The following PARP10 variants were observed in gnomAD, a reference collection of about 807,000 sequenced individuals.
PARP10 encodes the protein protein mono-ADP-ribosyltransferase PARP10.
Under a neutral mutation model 82.4 loss-of-function variants are expected in PARP10, and 56 were observed. The observed-to-expected ratio is 0.68, with a 90% confidence interval of 0.55 to 0.85. The LOEUF (loss-of-function observed/expected upper bound fraction) is 0.85, where lower values mean the gene tolerates loss of function less well. Among genes scored for constraint, PARP10 ranks in the 40% least tolerant of loss-of-function variants. The pLI, the probability that PARP10 is intolerant of heterozygous loss-of-function variation, is 0.00. For synonymous variants in PARP10, 576 were observed against 601.1 expected, an observed-to-expected ratio of 0.96 and a Z score of 0.61; for missense variants, 1,227 against 1,379.4, an observed-to-expected ratio of 0.89 and a Z score of 1.75.
upstream of PARP10, chr8:143,991,374 C>G: frequency 8.3e-7 from 1 of 1,211,232 alleles, no homozygotes; most frequent in Non-Finnish European, 1.2e-6. Context: ...CCAGCCCTCC[C>G]CCTACGGTCA....
intron 1 of PARP10, among the ~76,000 whole-genome samples, chr8:144,007,087 C>T (rs782284330): frequency 6.6e-6 from 1 of 152,230 alleles, no homozygotes; most frequent in Non-Finnish European, 1.5e-5. Context: ...AAGAAACCAA[C>T]AACACAGAGA....
At chr8:143,980,866 C>A (rs4977166) in intron 9 of PARP10, among the ~76,000 whole-genome samples, 9,180 of 152,110 alleles carry the variant, frequency 0.06, 399 homozygotes, top group South Asian at 0.17. Flanking sequence ...GTATGTCTAC[C>A]AACCTATGGC....
In PARP10 at chr8:143,983,400, A is replaced by G. The variant is rs1163092457; in HGVS notation, c.2189T>C (p.Leu730Ser). 1.9e-6 allele frequency: 3 copies of G among 1,605,178 alleles called. No homozygotes were observed. The highest frequency in any genetic ancestry group is 2.5e-6 in the Non-Finnish European group (3 of 1,179,412). ...CGTCTCCTCCTGGACGTGGACCTCC[A>G]AGGCAGCCCTGAGCGCCCGGTCCAG... ...EELDRALRAA[L>S]EVHVQEETVG... The change falls in exon 8 of 11, where the codon TTG becomes TCG. Residue 730 changes from leucine to serine, a missense_variant. Transcript: ENST00000313028.
rs747412999 is a variant in PARP10 at position 143,984,843 on chromosome 8, G to A, written c.1159C>T (p.Pro387Ser). The change falls in exon 5 of 11, where the codon CCA becomes TCA. Residue 387 changes from proline to serine, a missense_variant. Pro to Ser is a moderately conservative substitution (Grantham distance 74). Transcript: ENST00000313028. ...AGCAACCCCTTAGAGGTCTCCACTG[G>A]GCCTGCAGACCCCACAGGCCCCAGG... is the stretch of plus-strand genomic sequence containing the variant. Reference protein sequence around the residue: ...MSLGPVGSAGPVETSKGLLGQ... With the variant: ...MSLGPVGSAGSVETSKGLLGQ... 19 of 1,612,312 alleles carry A rather than the reference G, an allele frequency of 1.2e-5. No homozygotes were observed. The highest frequency in any genetic ancestry group is 1.5e-5 in the Non-Finnish European group (18 of 1,178,992).
Position 143,977,779 on chromosome 8 carries a change from AC to A in PARP10, c.2782del (p.Val928CysfsTer22). On this transcript the variant is annotated frameshift_variant, in exon 11 of 11. Coordinates refer to ENST00000313028, the MANE Select transcript of PARP10 (RefSeq NM_032789.5). LOFTEE classifies it low-confidence loss of function (END_TRUNC). The part of the protein sequence containing the change: ...VYFARRASLS[V>X]QDRYSPPNAD... ...GTTGGGGGGCGAGTAGCGGTCCTGC[AC>A]CGACAGGGAGGCGCGCCTGGCGAAA... 1 of 1,603,864 alleles carries A rather than the reference AC, an allele frequency of 6.2e-7. No individual in the cohort carries two copies. The highest frequency in any genetic ancestry group is 1.1e-5 in the South Asian group (1 of 89,918).
intron 1 of PARP10, among the ~76,000 whole-genome samples, chr8:143,997,389 A>C (rs1554751374): frequency 6.6e-6 from 1 of 152,014 alleles, no homozygotes; most frequent in African/African-American, 2.4e-5. Context: ...ACTGGTATCC[A>C]CAGCTTCGTG....
At chr8:144,001,873 C>CGTGTGTGTGTGTGTGTGTGTGTGTGT (rs57117824) in intron 1 of PARP10, among the ~76,000 whole-genome samples, 1 of 136,416 alleles carries the variant, frequency 7.3e-6, no homozygotes, top group African/African-American at 2.7e-5. Context: ...AATATATATA[C>CGTGTGTGTGTGTGTGTGTGTGTGTGT]GTGTGTGTGT....
upstream of PARP10, chr8:143,991,289 G>A (rs1554750388): frequency 6.8e-7 from 1 of 1,462,998 alleles, no homozygotes; most frequent in Non-Finnish European, 9.3e-7. Context: ...CTGGATATCC[G>A]GGGGGGCCCC....
chr8:143,991,993 C>T, upstream of PARP10: 1 of 1,613,830 alleles, frequency 6.2e-7, no homozygotes, highest in Non-Finnish European at 8.5e-7. Flanking sequence ...TACTATGTCT[C>T]CTATGCTGTC....
upstream of PARP10, chr8:143,992,024 C>T (rs1366153105): frequency 1.9e-6 from 3 of 1,614,000 alleles, no homozygotes; most frequent in Non-Finnish European, 1.7e-6. Flanking sequence ...CTCTCATCGT[C>T]CTCAGCTGTT....
At chr8:143,996,437 C>G (rs1395368802) in intron 1 of PARP10, among the ~76,000 whole-genome samples, 4 of 152,212 alleles carry the variant, frequency 2.6e-5, no homozygotes, top group Non-Finnish European at 1.5e-5. Flanking sequence ...GGGGCCAGCT[C>G]TGGACCCCAG....
At chr8:143,988,110 C>T (rs1834024626), upstream of PARP10, among the ~76,000 whole-genome samples, 2 of 148,614 alleles carry the variant, frequency 1.3e-5, no homozygotes, top group Non-Finnish European at 3.0e-5. Flanking sequence ...CCCACAAACC[C>T]CCATGGCCAC....
chr8:143,991,157 C>G (rs1355082893), upstream of PARP10: 2 of 1,149,678 alleles, frequency 1.7e-6, no homozygotes, highest in Admixed American at 2.6e-5. Context: ...CCGACGCTGT[C>G]GTCAAGCCAA....
At chr8:144,001,712 G>A (rs1554751718) in intron 1 of PARP10, among the ~76,000 whole-genome samples, 1 of 151,766 alleles carries the variant, frequency 6.6e-6, no homozygotes, top group Non-Finnish European at 1.5e-5. Context: ...ATCTCAAAAA[G>A]AGAAGAGAAG....
upstream of PARP10, chr8:143,991,426 G>A (rs1349486969): frequency 7.0e-7 from 1 of 1,422,458 alleles, no homozygotes; most frequent in Admixed American, 2.8e-5. Flanking sequence ...CCCCAAGGGG[G>A]CTACCCACAG....
In PARP10 at chr8:143,977,849, C is replaced by T. The variant is rs1833736391; in HGVS notation, c.2732-19G>A. ...ACCGTGGCTGCAGGGCGAGACGGGG[C>T]AAGGTCAGGGTGGTCGGGGTGCGCA... On this transcript the variant is annotated intron_variant, in intron 10 of 10. Coordinates refer to ENST00000313028, the MANE Select transcript of PARP10 (RefSeq NM_032789.5). 2 of 1,597,470 alleles carry T rather than the reference C, an allele frequency of 1.3e-6. No homozygotes were observed. The highest frequency in any genetic ancestry group is 2.7e-5 in the African/African-American group (2 of 74,572).
At chr8:143,994,160 G>A (rs1834143725), upstream of PARP10, among the ~76,000 whole-genome samples, 1 of 152,214 alleles carries the variant, frequency 6.6e-6, no homozygotes, top group Admixed American at 6.5e-5. Flanking sequence ...GTGGCCTGAG[G>A]ATCTCTCAAG....
Position 143,977,312 on chromosome 8 carries a change from C to A in PARP10, c.*172G>T. 1.4e-6 allele frequency: 1 copy of A among 716,464 alleles called. No individual in the cohort carries two copies. The highest frequency in any genetic ancestry group is 2.2e-6 in the Non-Finnish European group (1 of 447,142). The allele number at this position is 716,464 out of a possible 1,614,324, so 44.4% of individuals were successfully genotyped here. A position where few individuals can be genotyped will look rare whatever the true frequency, so the allele number is the denominator to read the frequency against. On this transcript the variant is annotated 3_prime_UTR_variant, in exon 11 of 11. Transcript: ENST00000313028. ...CGGCCCAGGCTGGGACCTAGCCCGG[C>A]CCCCCTCGGCCGCTGCTGACCGCCA...
chr8:143,997,936 C>G (rs1331351407), intron 1 of PARP10, among the ~76,000 whole-genome samples: 1 of 151,956 alleles, frequency 6.6e-6, no homozygotes, highest in Non-Finnish European at 1.5e-5. Flanking sequence ...GGTGCCCCAC[C>G]ACCATGCCTG....
Sources: allele counts gnomAD v4.1 joint callset (sites outside exome capture counted in the v4.1 genomes callset), GRCh38; gene constraint gnomAD v4.1.1; transcripts MANE v1.5; gene names NCBI Gene and HGNC (gene_info 2026-07-23, HGNC 2026-07-21).